Variants in ESRRG observed in about 807,000 individuals in gnomAD.
ESRRG encodes estrogen-related receptor gamma.
A neutral mutation model predicts 44.0 loss-of-function variants in ESRRG; 13 were observed. The observed-to-expected ratio is 0.30, with a 90% confidence interval of 0.19 to 0.47. The LOEUF (loss-of-function observed/expected upper bound fraction) is 0.47. Among genes scored for constraint, ESRRG ranks in the 20% least tolerant of loss-of-function variants. The pLI is 1.00. For synonymous variants in ESRRG, 215 were observed against 214.6 expected (o/e 1.00, Z -0.02); for missense variants, 395 against 580.6 (o/e 0.68, Z 3.29).
intron 3 of ESRRG, among the ~76,000 whole-genome samples, chr1:216,598,412 T>C (rs999421006): frequency 1.3e-5 from 2 of 152,210 alleles, no homozygotes; most frequent in Non-Finnish European, 2.9e-5. Flanking sequence ...GGAACTTCTC[T>C]ATATAGAATA....
At chr1:216,752,048 G>A (rs2152299100) in intron 2 of ESRRG, among the ~76,000 whole-genome samples, 1 of 152,164 alleles carries the variant, frequency 6.6e-6, no homozygotes, top group South Asian at 2.1e-4. Flanking sequence ...GGCGTCCTTA[G>A]CCACAGCACT....
At chr1:216,871,711 C>G (rs1270539493) in intron 2 of ESRRG, among the ~76,000 whole-genome samples, 1 of 151,968 alleles carries the variant, frequency 6.6e-6, no homozygotes, top group Non-Finnish European at 1.5e-5. Flanking sequence ...TATGTGGAAA[C>G]ATTATCATCC....
chr1:216,811,216 T>C (rs2094958297), intron 2 of ESRRG, among the ~76,000 whole-genome samples: 1 of 152,096 alleles, frequency 6.6e-6, no homozygotes, highest in South Asian at 2.1e-4. Flanking sequence ...TGAGATAATA[T>C]AAATATTTCA....
At chr1:217,059,156 A>G (rs2087810563) in intron 1 of ESRRG, among the ~76,000 whole-genome samples, 1 of 149,828 alleles carries the variant, frequency 6.7e-6, no homozygotes, top group African/African-American at 2.4e-5. Context: ...AGAGGAACAT[A>G]TTAAACTGCA....
intron 1 of ESRRG, among the ~76,000 whole-genome samples, chr1:217,015,817 C>T (rs2079283871): frequency 1.3e-5 from 2 of 151,496 alleles, no homozygotes; most frequent in South Asian, 2.1e-4. Flanking sequence ...GCAACCTCCA[C>T]CTCCCAGGTT....
intron 3 of ESRRG, among the ~76,000 whole-genome samples, chr1:216,625,716 TG>T (rs1168439536): frequency 1.3e-5 from 2 of 152,206 alleles, no homozygotes; most frequent in African/African-American, 4.8e-5. Flanking sequence ...ATCTGTAAGA[TG>T]GGGATAATAA....
intron 2 of ESRRG, among the ~76,000 whole-genome samples, chr1:216,771,305 C>T (rs1182705446): frequency 6.6e-6 from 1 of 152,128 alleles, no homozygotes; most frequent in African/African-American, 2.4e-5. Flanking sequence ...CACAAATACA[C>T]ATATGCTTAT....
At chr1:216,694,930 T>C (rs149506293) in intron 1 of ESRRG, among the ~76,000 whole-genome samples, 13 of 152,310 alleles carry the variant, frequency 8.5e-5, no homozygotes, top group Middle Eastern at 6.8e-3. Flanking sequence ...ATTCCTATCA[T>C]GTTTTAAGCC....
intron 3 of ESRRG, among the ~76,000 whole-genome samples, chr1:216,644,799 A>G (rs1275140180): frequency 1.3e-5 from 2 of 152,148 alleles, no homozygotes; most frequent in Non-Finnish European, 2.9e-5. Context: ...AATAAAACAC[A>G]TAACTATCTG....
chr1:216,720,059 A>G (rs1183960862), intron 1 of ESRRG, among the ~76,000 whole-genome samples: 1 of 152,104 alleles, frequency 6.6e-6, no homozygotes, highest in Non-Finnish European at 1.5e-5. Flanking sequence ...CATTCAATAT[A>G]TATTTCATTA....
intron 5 of ESRRG, among the ~76,000 whole-genome samples, chr1:216,561,281 C>T (rs1032095304): frequency 4.6e-5 from 7 of 151,992 alleles, no homozygotes; most frequent in African/African-American, 1.2e-4. Flanking sequence ...ATTTTAAAAA[C>T]ATATATGTAC....
chr1:217,013,001 T>A (rs1418980015), intron 1 of ESRRG, among the ~76,000 whole-genome samples: 1 of 152,196 alleles, frequency 6.6e-6, no homozygotes, highest in Non-Finnish European at 1.5e-5. Flanking sequence ...GTCTTCTCCA[T>A]GAGTTTCTTC....
chr1:216,778,507 G>C (rs1308731981), intron 2 of ESRRG, among the ~76,000 whole-genome samples: 2 of 151,874 alleles, frequency 1.3e-5, no homozygotes, highest in Admixed American at 1.3e-4. Context: ...GACAGTCAGG[G>C]TCTATAGATC....
chr1:216,882,815 C>T (rs6700612), intron 2 of ESRRG, among the ~76,000 whole-genome samples: 148,018 of 152,278 alleles, frequency 0.97, 71,966 homozygotes, highest in East Asian at 1. Context: ...TTTTAATGTC[C>T]AAGTTTATAT....
chr1:216,654,055 G>A (rs937929487), intron 2 of ESRRG, among the ~76,000 whole-genome samples: 47 of 151,744 alleles, frequency 3.1e-4, no homozygotes, highest in African/African-American at 1.0e-3. Flanking sequence ...CCCAGAAGGC[G>A]GAGGTTTCAG....
chr1:216,630,445 A>AACACACACAC (rs59403765), intron 3 of ESRRG, among the ~76,000 whole-genome samples: 9 of 146,388 alleles, frequency 6.1e-5, no homozygotes, highest in South Asian at 2.2e-4. Context: ...TGTGCGTGTG[A>AACACACACAC]ACACACACAC....
At chr1:216,567,294 C>T (rs1160138228) in intron 4 of ESRRG, among the ~76,000 whole-genome samples, 2 of 152,208 alleles carry the variant, frequency 1.3e-5, no homozygotes, top group Non-Finnish European at 2.9e-5. Context: ...TATATTCCAA[C>T]TCTTTTTCGT....
intron 3 of ESRRG, among the ~76,000 whole-genome samples, chr1:216,602,629 G>T (rs964264742): frequency 9.9e-5 from 15 of 152,174 alleles, no homozygotes; most frequent in African/African-American, 3.6e-4. Context: ...TGATTGTGCA[G>T]CGGAGAGAAG....
At chr1:216,713,390 G>A (rs1040682554) in intron 1 of ESRRG, among the ~76,000 whole-genome samples, 2 of 145,538 alleles carry the variant, frequency 1.4e-5, no homozygotes, top group African/African-American at 5.1e-5. Context: ...GATTTCTCCT[G>A]TAGGAGTTTG....
Sources: gnomAD v4.1 joint callset for allele counts (sites outside exome capture counted in the v4.1 genomes callset) on GRCh38, gnomAD v4.1.1 for gene constraint, MANE v1.5 for transcripts, NCBI Gene and HGNC (gene_info 2026-07-23, HGNC 2026-07-21) for gene names.